Variants in DNAH17 observed in about 807,000 individuals in gnomAD.
DNAH17 encodes axonemal beta dynein heavy chain 17.
DNAH17 carries 376 observed loss-of-function variants against 485.6 expected under a neutral mutation model. That is an observed-to-expected ratio of 0.77 (90% CI 0.71 to 0.84). DNAH17 has a LOEUF of 0.84. Among genes scored for constraint, DNAH17 ranks in the 40% least tolerant of loss-of-function variants. DNAH17 has a pLI of 0.00. For missense variants in DNAH17, 6,370 were observed against 5,839.3 expected (o/e 1.09, Z -2.96); for synonymous variants, 3,031 against 2,405.9 (o/e 1.26, Z -7.60).
chr17:78,450,095 G>T (rs1033094900), intron 68 of DNAH17, 159 bp downstream of exon 68: 1 of 856,476 alleles, frequency 1.2e-6, no homozygotes. Context: ...GGGGCCCCTG[G>T]CTCCCCCTCT....
chr17:78,455,932 T>A, intron 62 of DNAH17, 96 bp from the exon 63 acceptor site: 3 of 1,091,864 alleles, frequency 2.7e-6, no homozygotes, highest in Non-Finnish European at 3.7e-6. Flanking sequence ...ATCTTCAGAG[T>A]TTCCCGTCTG....
intron 1 of DNAH17, among the ~76,000 whole-genome samples, chr17:78,576,519 C>T (rs748909442): frequency 6.6e-5 from 10 of 152,106 alleles, no homozygotes; most frequent in Non-Finnish European, 7.4e-5. Context: ...GGAGATGACT[C>T]GTTCACCAGG....
chr17:78,447,667 T>C (rs920531946), intron 69 of DNAH17, among the ~76,000 whole-genome samples: 9 of 152,324 alleles, frequency 5.9e-5, no homozygotes, highest in African/African-American at 1.4e-4. Flanking sequence ...GGAACTCTTA[T>C]CCTGATGACC....
chr17:78,510,751 G>GCCA lies in DNAH17; in HGVS notation c.4114-246_4114-245insTGG, dbSNP rs1555679579. ...CGCACCTGCACTGGGCGGAATTGCGGCCCCCCCGCAAAATTCACATCCGCC... is the reference window on the plus strand; with the variant it reads ...CGCACCTGCACTGGGCGGAATTGCGGCCACCCCCCCGCAAAATTCACATCCGCC... On this transcript the variant is annotated intron_variant, in intron 26 of 80. Transcript: ENST00000389840. 251 of 378,390 alleles carry GCCA rather than the reference G, an allele frequency of 6.6e-4. 2 individuals are homozygous for GCCA. The highest frequency in any genetic ancestry group is 5.3e-3 in the African/African-American group (238 of 45,018). 23.4% of individuals were successfully genotyped at this position (378,390 alleles called of 1,614,324 possible).
At chr17:78,554,760 T>C (rs867681698) in intron 14 of DNAH17, among the ~76,000 whole-genome samples, 59 of 152,302 alleles carry the variant, frequency 3.9e-4, no homozygotes, top group African/African-American at 1.3e-3. Context: ...GGTACTTTAT[T>C]TTTTGAGACG....
rs1327788375 is a variant in DNAH17 at position 78,428,411 on chromosome 17, CAG to C, written c.12588+112_12588+113del. 9 of 1,298,954 alleles carry C rather than the reference CAG, an allele frequency of 6.9e-6. No individual in the cohort carries two copies. The Admixed American group carries it at 7.9e-5, about 11-fold the overall frequency. The allele number at this position is 1,298,954 out of a possible 1,614,324, so 80.5% of individuals were successfully genotyped here. A position where few individuals can be genotyped will look rare whatever the true frequency, so the allele number is the denominator to read the frequency against. ...CTGATACCCAAGCCCAAGGCTGGGG[CAG>C]AGTGTACCTCACCAGCAAGTTCCCC... On this transcript the variant is annotated intron_variant, in intron 77 of 80. Coordinates refer to ENST00000389840, the MANE Select transcript of DNAH17 (RefSeq NM_173628.4).
rs952264951 is a variant in DNAH17 at position 78,574,688 on chromosome 17, C to A, written c.345+25G>T. Reference sequence around the variant, plus strand: ...GAGAAGTCGGTCGTGCTCGACACCCCGGATGGCAGCCTGGACGCACTCACC... The same window carrying A: ...GAGAAGTCGGTCGTGCTCGACACCCAGGATGGCAGCCTGGACGCACTCACC... On this transcript the variant is annotated intron_variant, in intron 2 of 80. Coordinates refer to ENST00000389840, the MANE Select transcript of DNAH17 (RefSeq NM_173628.4). 5.7e-6 allele frequency: 9 copies of A among 1,570,324 alleles called. No individual in the cohort carries two copies. The Admixed American group carries it at 1.1e-4, about 18-fold the overall frequency.
At chr17:78,453,312 G>C in intron 65 of DNAH17, 31 bp downstream of exon 65, 3 of 1,608,824 alleles carry the variant, frequency 1.9e-6, no homozygotes, top group Non-Finnish European at 2.5e-6. Context: ...ATGTTTACCT[G>C]GCTCAAGCCA....
At position 78,544,114 on chromosome 17, in the gene DNAH17, A is replaced by C; in HGVS notation, c.2392-117T>G. On this transcript the variant is annotated intron_variant, in intron 16 of 80. Coordinates refer to ENST00000389840, the MANE Select transcript of DNAH17 (RefSeq NM_173628.4). ...TCACTGCTGCCTGATCTTGGATTGGAGTCTAGTTCTCCACGATCCATGCCC... is the reference window on the plus strand; with the variant it reads ...TCACTGCTGCCTGATCTTGGATTGGCGTCTAGTTCTCCACGATCCATGCCC... 3.5e-6 allele frequency: 5 copies of C among 1,437,050 alleles called. No individual in the cohort carries two copies. In the South Asian group the frequency reaches 6.3e-5, roughly 18 times the overall value. The allele number at this position is 1,437,050 out of a possible 1,614,324, so 89.0% of individuals were successfully genotyped here. A position where few individuals can be genotyped will look rare whatever the true frequency, so the allele number is the denominator to read the frequency against.
Position 78,521,479 on chromosome 17 carries a change from TAAAC to T in DNAH17, c.3864+3526_3864+3529del, listed in dbSNP as rs1170038095. On this transcript the variant is annotated intron_variant, in intron 25 of 80. Coordinates refer to ENST00000389840, the MANE Select transcript of DNAH17 (RefSeq NM_173628.4). Reference sequence around the variant, plus strand: ...ACATGCTGGAGCAATTAGACATCCATAAACAAACAAAAATAATAAATGAACCTTA... The same window carrying T: ...ACATGCTGGAGCAATTAGACATCCATAAACAAAAATAATAAATGAACCTTA... Among the ~76,000 whole-genome samples the T allele has an allele frequency of 2.6e-5, 4 of 152,128 alleles. No homozygotes were observed. The East Asian group carries it at 7.7e-4, about 29-fold the overall frequency.
intron 72 of DNAH17, 75 bp downstream of exon 72, chr17:78,440,976 G>T (rs2087051942): frequency 2.0e-6 from 3 of 1,526,236 alleles, no homozygotes; most frequent in Non-Finnish European, 8.9e-7. Flanking sequence ...TGTGCTTTTG[G>T]TGTGCATTTT....
rs761258978 is a variant in DNAH17, at chr17:78,572,754, C to T, written c.486G>A (p.Leu162=). The change falls in exon 3 of 81, where the codon CTG becomes CTA. Residue 162 remains leucine (L), a synonymous_variant. Coordinates refer to ENST00000389840, the MANE Select transcript of DNAH17 (RefSeq NM_173628.4). ...MSGKIKGKTL[L]PIPEHLGSLD... ...GGCTGCCCAGGTGCTCCGGAATAGGCAGCAAGGTTTTGCCTTTGATCTTGC... is the reference window on the plus strand; with the variant it reads ...GGCTGCCCAGGTGCTCCGGAATAGGTAGCAAGGTTTTGCCTTTGATCTTGC... The T allele has an allele frequency of 4.0e-5, 64 of 1,612,932 alleles. No individual in the cohort carries two copies. The highest frequency in any genetic ancestry group is 5.3e-5 in the Non-Finnish European group (62 of 1,179,588).
chr17:78,509,041 A>C, intron 27 of DNAH17, among the ~76,000 whole-genome samples: 1 of 112,566 alleles, frequency 8.9e-6, no homozygotes, highest in East Asian at 2.3e-4. Context: ...ATCTCAGCTC[A>C]CTGCAACTTC....
rs547964449 is a variant in DNAH17, at chr17:78,478,805, C to T, written c.7992+220G>A. 140 of 531,092 alleles carry T rather than the reference C, an allele frequency of 2.6e-4. 1 individual carries two copies. Among genetic ancestry groups the T allele is most frequent in the Middle Eastern group, 4.7e-4 (1 of 2,114 alleles). 32.9% of individuals were successfully genotyped at this position (531,092 alleles called of 1,614,324 possible). On this transcript the variant is annotated intron_variant, in intron 51 of 80. Coordinates refer to ENST00000389840, the MANE Select transcript of DNAH17 (RefSeq NM_173628.4). ...ACTATCATCATAACCATCACTACCACCATCATCACATCACCATCATCACGA... is the reference window on the plus strand; with the variant it reads ...ACTATCATCATAACCATCACTACCATCATCATCACATCACCATCATCACGA...
In DNAH17 at chr17:78,461,523, C is replaced by T. The variant is rs375202983; in HGVS notation, c.9339+21G>A. On this transcript the variant is annotated intron_variant, in intron 58 of 80. Transcript: ENST00000389840. ...CAGTGCAGCAGCCTTCCTGAAGGCA[C>T]GCTGGGCTGCCTTCACCTACCTTAT... The T allele has an allele frequency of 9.9e-5, 153 of 1,544,192 alleles. No homozygotes were observed. The African/African-American group carries it at 1.2e-3, about 12-fold the overall frequency.
chr17:78,506,860 A>G lies in DNAH17; in HGVS notation c.4677-14T>C. On this transcript the variant is annotated splice_polypyrimidine_tract_variant and intron_variant, in intron 29 of 80. Transcript: ENST00000389840. ...CAGATGGCCAAGCTGGGAGGAAGGAAGGAAGTAGAGGAGGCCGGTGACCCT... is the reference window on the plus strand; with the variant it reads ...CAGATGGCCAAGCTGGGAGGAAGGAGGGAAGTAGAGGAGGCCGGTGACCCT... The G allele has an allele frequency of 6.2e-7, 1 of 1,613,874 alleles. No homozygotes were observed. Among genetic ancestry groups the G allele is most frequent in the Non-Finnish European group, 8.5e-7 (1 of 1,179,844 alleles).
chr17:78,545,974 ATTTTT>A (rs58000479), intron 16 of DNAH17, among the ~76,000 whole-genome samples: 2 of 150,122 alleles, frequency 1.3e-5, no homozygotes, highest in East Asian at 1.9e-4. Context: ...ACCATTTGAA[ATTTTT>A]TTTTTTTTCC....
chr17:78,453,352 T>C lies in DNAH17; in HGVS notation c.10520A>G (p.Lys3507Arg). 1.9e-6 allele frequency: 3 copies of C among 1,613,428 alleles called. No individual in the cohort carries two copies. The highest frequency in any genetic ancestry group is 2.5e-6 in the Non-Finnish European group (3 of 1,179,618). ...LDPLLGRNTI[K>R]KGKYIKIGDK... ...GGCGGAAACAACTCACTTTCCCTTT[T>C]TAATCGTGTTCCTGCCCAGTAGAGG... Residue 3507 changes from lysine (K) to arginine (R), a missense_variant, in exon 65 of 81, where the codon AAA (lysine) becomes AGA (arginine). Lys to Arg is a conservative substitution (Grantham distance 26, BLOSUM62 2). Coordinates refer to ENST00000389840, the MANE Select transcript of DNAH17 (RefSeq NM_173628.4).
intron 65 of DNAH17, 101 bp from the exon 66 acceptor site, chr17:78,451,774 C>T (rs904605146): frequency 1.0e-5 from 10 of 966,240 alleles, no homozygotes; most frequent in African/African-American, 1.7e-5. Context: ...GCCAGGCCGC[C>T]ACCTTGAACC....
Sources: allele counts gnomAD v4.1 joint callset (sites outside exome capture counted in the v4.1 genomes callset), GRCh38; gene constraint gnomAD v4.1.1; transcripts MANE v1.5; gene names NCBI Gene and HGNC (gene_info 2026-07-23, HGNC 2026-07-21).